The following KCND2 variants were observed in gnomAD, a reference collection of about 807,000 sequenced individuals.
KCND2 encodes the protein potassium voltage-gated channel subfamily D member 2.
Under a neutral mutation model 54.4 loss-of-function variants are expected in KCND2, and 16 were observed. That is an observed-to-expected ratio of 0.29 (90% confidence interval 0.20 to 0.45). KCND2 has a LOEUF of 0.45. KCND2 is among the 20% of genes least tolerant of loss of function. The pLI is 1.00. For synonymous variants in KCND2, 317 were observed against 310.7 expected, an observed-to-expected ratio of 1.02 and a Z score of -0.21; for missense variants, 486 against 824.2, an observed-to-expected ratio of 0.59 and a Z score of 5.02.
chr7:120,314,821 A>C (rs2116320404), intron 1 of KCND2, among the ~76,000 whole-genome samples: 1 of 152,310 alleles, frequency 6.6e-6, no homozygotes, highest in Non-Finnish European at 1.5e-5. Flanking sequence ...ATTGAATATG[A>C]AAGTATACAA....
chr7:120,646,947 T>G (rs1311036416), intron 1 of KCND2, among the ~76,000 whole-genome samples: 1 of 152,188 alleles, frequency 6.6e-6, no homozygotes, highest in East Asian at 1.9e-4. Context: ...TTCTTAAACT[T>G]TCGGATCCAT....
intron 1 of KCND2, among the ~76,000 whole-genome samples, chr7:120,288,660 G>A (rs1799384949): frequency 1.3e-5 from 2 of 152,038 alleles, no homozygotes; most frequent in African/African-American, 4.8e-5. Context: ...TCTTACAAAA[G>A]GCTGATTGAA....
chr7:120,747,918 A>G lies in KCND2; in HGVS notation c.*60A>G. The G allele has an allele frequency of 8.0e-7, 1 of 1,247,368 alleles. No homozygotes were observed. The highest frequency in any genetic ancestry group is 1.2e-6 in the Non-Finnish European group (1 of 864,062). The allele number at this position is 1,247,368 out of a possible 1,614,324, so 77.3% of individuals were successfully genotyped here. On this transcript the variant is annotated 3_prime_UTR_variant, in exon 6 of 6. Coordinates refer to ENST00000331113, the MANE Select transcript of KCND2 (RefSeq NM_012281.3). ...CTGGCTGTGAAAAGAATCTCAACAT[A>G]GAAGAAAGAAGAAACAATAAATATT...
At chr7:120,423,022 T>G (rs1216456984) in intron 1 of KCND2, among the ~76,000 whole-genome samples, 2 of 152,202 alleles carry the variant, frequency 1.3e-5, no homozygotes, top group Non-Finnish European at 2.9e-5. Flanking sequence ...CTGCTGAATA[T>G]GGGACTTCTC....
At chr7:120,448,693 G>T (rs1802056021) in intron 1 of KCND2, among the ~76,000 whole-genome samples, 1 of 151,478 alleles carries the variant, frequency 6.6e-6, no homozygotes, top group Non-Finnish European at 1.5e-5. Context: ...CTGGCAAACA[G>T]AATCCAGCAG....
chr7:120,655,278 A>G (rs1791787520), intron 1 of KCND2, among the ~76,000 whole-genome samples: 1 of 152,102 alleles, frequency 6.6e-6, no homozygotes, highest in Non-Finnish European at 1.5e-5. Context: ...TGAATCCTGT[A>G]TTTGATAGCA....
intron 1 of KCND2, among the ~76,000 whole-genome samples, chr7:120,497,156 A>C (rs1245969113): frequency 6.6e-6 from 1 of 152,222 alleles, no homozygotes; most frequent in Non-Finnish European, 1.5e-5. Flanking sequence ...AATTAAAAAT[A>C]AAGGATATTG....
At chr7:120,558,719 T>G (rs1385739008) in intron 1 of KCND2, among the ~76,000 whole-genome samples, 1 of 152,110 alleles carries the variant, frequency 6.6e-6, no homozygotes, top group Non-Finnish European at 1.5e-5. Context: ...AATTTGTCCT[T>G]TATAGGTGGG....
chr7:120,508,891 A>ATTTTTTTTT lies in KCND2; in HGVS notation c.1116-224006_1116-223998dup, dbSNP rs57245091. On this transcript the variant is annotated intron_variant, in intron 1 of 5. Coordinates refer to ENST00000331113, the MANE Select transcript of KCND2 (RefSeq NM_012281.3). ...TTTAGATTGGAAGTTGCCTTTCACG[A>ATTTTTTTTT]TTTTTTTTTTTTTTGGACATCCTTT... 5.1e-3 allele frequency among the ~76,000 whole-genome samples: 706 copies of ATTTTTTTTT among 138,174 alleles called. 12 individuals are homozygous for ATTTTTTTTT. Among genetic ancestry groups the ATTTTTTTTT allele is most frequent in the Non-Finnish European group, 8.4e-3 (540 of 64,284 alleles). 90.6% of individuals were successfully genotyped at this position (138,174 alleles called of 152,430 possible). A position where few individuals can be genotyped will look rare whatever the true frequency, so the allele number is the denominator to read the frequency against.
chr7:120,635,586 A>G (rs1793294890), intron 1 of KCND2, among the ~76,000 whole-genome samples: 2 of 152,252 alleles, frequency 1.3e-5, no homozygotes, highest in East Asian at 1.9e-4. Flanking sequence ...CCTTCGGAGT[A>G]GATACTCTGA....
In KCND2 at chr7:120,274,788, C is replaced by T. The variant is rs1799147540; in HGVS notation, c.156C>T (p.Phe52=). ...LIVLNVSGTR[F]QTWQDTLERY... is the part of the protein sequence containing the mutation. Reference sequence around the variant, plus strand: ...TGCTGAATGTGAGTGGCACCCGCTTCCAGACGTGGCAGGACACCCTGGAAC... The same window carrying T: ...TGCTGAATGTGAGTGGCACCCGCTTTCAGACGTGGCAGGACACCCTGGAAC... Residue 52 remains phenylalanine, a synonymous_variant, in exon 1 of 6, where the codon TTC becomes TTT. Coordinates refer to ENST00000331113, the MANE Select transcript of KCND2 (RefSeq NM_012281.3). 1.9e-6 allele frequency: 3 copies of T among 1,614,146 alleles called. No individual in the cohort carries two copies. Among genetic ancestry groups the T allele is most frequent in the Non-Finnish European group, 2.5e-6 (3 of 1,180,016 alleles).
chr7:120,601,535 G>T (rs555342335), intron 1 of KCND2, among the ~76,000 whole-genome samples: 1 of 152,272 alleles, frequency 6.6e-6, no homozygotes, highest in South Asian at 2.1e-4. Flanking sequence ...GTCAATGGTT[G>T]TAAAAACTGG....
At chr7:120,450,395 G>A (rs936708119) in intron 1 of KCND2, among the ~76,000 whole-genome samples, 1 of 152,102 alleles carries the variant, frequency 6.6e-6, no homozygotes, top group East Asian at 1.9e-4. Context: ...GTGACAGAGT[G>A]AGACTCCGTC....
chr7:120,517,260 G>GT, intron 1 of KCND2, among the ~76,000 whole-genome samples: 1 of 152,110 alleles, frequency 6.6e-6, no homozygotes, highest in African/African-American at 2.4e-5. Context: ...ACTGATGAGA[G>GT]TCAGACTTTG....
intron 1 of KCND2, among the ~76,000 whole-genome samples, chr7:120,354,303 A>C (rs1800464259): frequency 6.6e-6 from 1 of 152,170 alleles, no homozygotes; most frequent in African/African-American, 2.4e-5. Flanking sequence ...GGTGATGTTG[A>C]AGATGTGTTT....
intron 1 of KCND2, among the ~76,000 whole-genome samples, chr7:120,599,277 A>G (rs926088368): frequency 1.4e-4 from 21 of 152,066 alleles, no homozygotes; most frequent in Non-Finnish European, 1.5e-5. Flanking sequence ...TTCTTGTTCA[A>G]AATTAATTCT....
Position 120,686,256 on chromosome 7 carries a change from C to T in KCND2, c.1116-46647C>T, listed in dbSNP as rs1792200017. Among the ~76,000 whole-genome samples the T allele has an allele frequency of 2.0e-5, 3 of 152,196 alleles. No homozygotes were observed. The South Asian group carries it at 6.2e-4, about 32-fold the overall frequency. On this transcript the variant is annotated intron_variant, in intron 1 of 5. Transcript: ENST00000331113. ...TCTCTTAGAGATCCTGATTTTAATA[C>T]TCTTAGATACATATGCCCAGAAGTA...
In KCND2 at chr7:120,584,619, T is replaced by G. The variant is rs370066789; in HGVS notation, c.1116-148284T>G. Among the ~76,000 whole-genome samples the G allele has an allele frequency of 3.9e-5, 6 of 152,362 alleles. No homozygotes were observed. In the East Asian group the frequency reaches 7.7e-4, roughly 20 times the overall value. ...AACATCTTCATGTCAGAAAGATTCC[T>G]CGAACTCACAGAAGCATAATGGGAC... On this transcript the variant is annotated intron_variant, in intron 1 of 5. Transcript: ENST00000331113.
intron 1 of KCND2, among the ~76,000 whole-genome samples, chr7:120,501,412 G>C (rs1324508778): frequency 6.6e-6 from 1 of 152,102 alleles, no homozygotes; most frequent in Non-Finnish European, 1.5e-5. Flanking sequence ...TTGTGATTGA[G>C]GTTCCTGAGC....
Sources: gnomAD v4.1 joint callset for allele counts (sites outside exome capture counted in the v4.1 genomes callset) on GRCh38, gnomAD v4.1.1 for gene constraint, MANE v1.5 for transcripts, NCBI Gene and HGNC (gene_info 2026-07-23, HGNC 2026-07-21) for gene names.